MGAT4A: variants seen among roughly 807,000 people sequenced by gnomAD.
MGAT4A encodes the protein alpha-1,3-mannosyl-glycoprotein 4-beta-N-acetylglucosaminyltransferase A, also known as N-acetylglucosaminyltransferase IVa.
A neutral mutation model predicts 74.1 loss-of-function variants in MGAT4A; 33 were observed. The ratio of observed to expected loss-of-function variants is 0.45; its 90% CI spans 0.34 to 0.60. The LOEUF (loss-of-function observed/expected upper bound fraction) is 0.60. Ranked by LOEUF, MGAT4A falls within the 20% of genes least tolerant of loss-of-function variation. The pLI is 0.02. For synonymous variants in MGAT4A, 198 were observed against 210.4 expected, an observed-to-expected ratio of 0.94 and a Z score of 0.51; for missense variants, 479 against 628.3, an observed-to-expected ratio of 0.76 and a Z score of 2.54.
intron 8 of MGAT4A, among the ~76,000 whole-genome samples, chr2:98,654,849 T>TA (rs1302075209): frequency 2.6e-5 from 4 of 151,718 alleles, no homozygotes; most frequent in African/African-American, 2.4e-5. Context: ...AAAATAGTCT[T>TA]AAAAAAAAGG....
At chr2:98,703,669 T>C (rs1010003314) in intron 2 of MGAT4A, among the ~76,000 whole-genome samples, 1 of 152,056 alleles carries the variant, frequency 6.6e-6, no homozygotes, top group Admixed American at 6.6e-5. Context: ...CAGTGTGACC[T>C]GGCCCCTGCT....
chr2:98,695,697 G>A (rs1702262390), intron 2 of MGAT4A, among the ~76,000 whole-genome samples: 1 of 152,108 alleles, frequency 6.6e-6, no homozygotes, highest in African/African-American at 2.4e-5. Flanking sequence ...AGTTACTGCT[G>A]TAGAAAAGTA....
chr2:98,645,319 C>T lies in MGAT4A; in HGVS notation c.889+109G>A, dbSNP rs562193105. 7.0e-5 allele frequency: 53 copies of T among 753,622 alleles called. No homozygotes were observed. The East Asian group carries it at 1.4e-3, about 20-fold the overall frequency. The allele number at this position is 753,622 out of a possible 1,614,324, so 46.7% of individuals were successfully genotyped here. A position where few individuals can be genotyped will look rare whatever the true frequency, so the allele number is the denominator to read the frequency against. ...TAACTTAAGTTTTCTCTAAAACAAC[C>T]CATTTCCATAGGAAAAAAAGACATC... On this transcript the variant is annotated intron_variant, in intron 9 of 15. Coordinates refer to ENST00000393487, the MANE Select transcript of MGAT4A (RefSeq NM_012214.3).
chr2:98,678,530 C>A, intron 2 of MGAT4A, 59 bp from the exon 3 acceptor site: 1 of 1,120,192 alleles, frequency 8.9e-7, no homozygotes, highest in South Asian at 2.6e-5. Flanking sequence ...ACAATATAAT[C>A]TCAATGGAAC....
At chr2:98,633,736 A>G (rs1226460664) in intron 14 of MGAT4A, among the ~76,000 whole-genome samples, 1 of 152,178 alleles carries the variant, frequency 6.6e-6, no homozygotes, top group East Asian at 1.9e-4. Context: ...TACTATAGAG[A>G]TATTTAATAT....
chr2:98,625,081 G>A lies in MGAT4A; in HGVS notation c.*485C>T, dbSNP rs1325308273. 1.0e-6 allele frequency: 1 copy of A among 969,594 alleles called. No individual in the cohort carries two copies. Among genetic ancestry groups the A allele is most frequent in the Non-Finnish European group, 1.2e-6 (1 of 815,646 alleles). 60.1% of individuals were successfully genotyped at this position (969,594 alleles called of 1,614,324 possible). On this transcript the variant is annotated 3_prime_UTR_variant, in exon 16 of 16. Coordinates refer to ENST00000393487, the MANE Select transcript of MGAT4A (RefSeq NM_012214.3). ...AAAAGTATCGATTCAAAAATCTACTGCACAAAAATATGTACTTCTTAAGTG... is the reference window on the plus strand; with the variant it reads ...AAAAGTATCGATTCAAAAATCTACTACACAAAAATATGTACTTCTTAAGTG...
intron 4 of MGAT4A, among the ~76,000 whole-genome samples, chr2:98,670,338 T>C (rs1701896110): frequency 6.6e-6 from 1 of 152,160 alleles, no homozygotes; most frequent in African/African-American, 2.4e-5. Context: ...ATTGTGCATA[T>C]GTAGTACCTC....
intron 14 of MGAT4A, among the ~76,000 whole-genome samples, chr2:98,631,009 G>A (rs934590898): frequency 2.6e-5 from 4 of 152,204 alleles, no homozygotes; most frequent in African/African-American, 4.8e-5. Flanking sequence ...GGACGGCCAA[G>A]GGCTACAGCC....
chr2:98,683,819 G>A (rs937978124), intron 2 of MGAT4A, among the ~76,000 whole-genome samples: 2 of 152,140 alleles, frequency 1.3e-5, no homozygotes, highest in Non-Finnish European at 2.9e-5. Context: ...CATGCTTTTG[G>A]AAAGTTAGCT....
Position 98,655,395 on chromosome 2 carries a change from T to A in MGAT4A, c.774+50A>T, listed in dbSNP as rs930640370. 4 of 1,388,742 alleles carry A rather than the reference T, an allele frequency of 2.9e-6. No individual in the cohort carries two copies. In the African/African-American group the frequency reaches 5.8e-5, roughly 20 times the overall value. 86.0% of individuals were successfully genotyped at this position (1,388,742 alleles called of 1,614,324 possible). A position where few individuals can be genotyped will look rare whatever the true frequency, so the allele number is the denominator to read the frequency against. On this transcript the variant is annotated intron_variant, in intron 8 of 15. Coordinates refer to ENST00000393487, the MANE Select transcript of MGAT4A (RefSeq NM_012214.3). ...TGTTTTAATGAAAACATACCCTTGA[T>A]AACACTTTTTCTTTACAAGCATGAA...
At chr2:98,713,798 A>G (rs947806906) in intron 2 of MGAT4A, among the ~76,000 whole-genome samples, 5 of 152,236 alleles carry the variant, frequency 3.3e-5, no homozygotes, top group African/African-American at 1.2e-4. Context: ...AAATAATTGC[A>G]ATTAGCATGA....
intron 4 of MGAT4A, among the ~76,000 whole-genome samples, chr2:98,664,251 T>A (rs1187528151): frequency 1.3e-5 from 2 of 149,612 alleles, no homozygotes; most frequent in Non-Finnish European, 3.0e-5. Flanking sequence ...TTGTGTACTA[T>A]TTGTGCAACA....
chr2:98,676,256 C>T (rs188037150), intron 3 of MGAT4A, among the ~76,000 whole-genome samples: 1 of 151,934 alleles, frequency 6.6e-6, no homozygotes, highest in Non-Finnish European at 1.5e-5. Flanking sequence ...TAATCTCATG[C>T]GTAAAGAAAC....
rs1701082735 is a variant in MGAT4A at position 98,622,986 on chromosome 2, C to G, written c.*2580G>C. On this transcript the variant is annotated 3_prime_UTR_variant, in exon 16 of 16. Coordinates refer to ENST00000393487, the MANE Select transcript of MGAT4A (RefSeq NM_012214.3). ...TGAGCTATGAGAGCACCACTGCACT[C>G]CAGCCTGGGCAACAAAGCGAGACCC... 2.0e-6 allele frequency: 2 copies of G among 983,994 alleles called. No individual in the cohort carries two copies. The highest frequency in any genetic ancestry group is 1.2e-6 in the Non-Finnish European group (1 of 828,656). 61.0% of individuals were successfully genotyped at this position (983,994 alleles called of 1,614,324 possible).
rs1702852991 is a variant in MGAT4A at position 98,731,128 on chromosome 2, G to GCCGCCCCGCCCGCCCCGCCGGCT, written c.-317_-316insAGCCGGCGGGGCGGGCGGGGCGG. On this transcript the variant is annotated 5_prime_UTR_variant, in exon 1 of 16. Transcript: ENST00000393487. The surrounding 1 kb of genome is among the most constrained non-coding windows in gnomAD (Gnocchi z 4.8). ...GCCGCCGCTGCCGCCGCCGCTGCGG[G>GCCGCCCCGCCCGCCCCGCCGGCT]CCGCCCCGCCCGCCCCGCCGGCTCC... 1 of 134,792 alleles carries GCCGCCCCGCCCGCCCCGCCGGCT rather than the reference G, an allele frequency of 7.4e-6. No individual in the cohort carries two copies. The highest frequency in any genetic ancestry group is 2.8e-5 in the African/African-American group (1 of 35,238). 8.3% of individuals were successfully genotyped at this position (134,792 alleles called of 1,614,324 possible). A position where few individuals can be genotyped will look rare whatever the true frequency, so the allele number is the denominator to read the frequency against.
intron 2 of MGAT4A, among the ~76,000 whole-genome samples, chr2:98,683,077 G>C (rs1407902362): frequency 6.6e-6 from 1 of 150,698 alleles, no homozygotes; most frequent in Non-Finnish European, 1.5e-5. Context: ...GCCAGAGCGA[G>C]ACTCCGTCTA....
chr2:98,705,812 G>A (rs1056603048), intron 2 of MGAT4A, among the ~76,000 whole-genome samples: 3 of 151,786 alleles, frequency 2.0e-5, no homozygotes, highest in African/African-American at 2.4e-5. Context: ...GCGCGGTGGC[G>A]GGCGCCTGTA....
At chr2:98,708,906 C>T (rs1163446412) in intron 2 of MGAT4A, among the ~76,000 whole-genome samples, 4 of 152,162 alleles carry the variant, frequency 2.6e-5, no homozygotes, top group Non-Finnish European at 5.9e-5. Flanking sequence ...CATTGGGTGA[C>T]AGACAACGTG....
intron 2 of MGAT4A, among the ~76,000 whole-genome samples, chr2:98,690,093 C>T (rs1261248293): frequency 1.3e-5 from 2 of 152,142 alleles, no homozygotes; most frequent in Non-Finnish European, 2.9e-5. Context: ...AAACGTCAGA[C>T]AATCACCACT....
Sources: gnomAD v4.1 joint callset for allele counts (sites outside exome capture counted in the v4.1 genomes callset) on GRCh38, gnomAD v4.1.1 for gene constraint, Gnocchi (gnomAD v3.1) non-coding constraint, MANE v1.5 for transcripts, NCBI Gene and HGNC (gene_info 2026-07-23, HGNC 2026-07-21) for gene names.